Variants in LARP4B observed in about 807,000 individuals in gnomAD.
LARP4B encodes la-related protein 4B.
A neutral mutation model predicts 89.8 loss-of-function variants in LARP4B; 12 were observed. The observed-to-expected ratio is 0.13, with a 90% confidence interval of 0.09 to 0.22. The LOEUF is 0.22. Ranked by LOEUF, LARP4B falls within the 10% of genes least tolerant of loss-of-function variation. The probability of loss-of-function intolerance (pLI) is 1.00; values close to 1 mark genes in which losing one functional copy is unlikely to be tolerated. For synonymous variants in LARP4B, 367 were observed against 363.3 expected, an observed-to-expected ratio of 1.01 and a Z score of -0.12; for missense variants, 757 against 947.7, an observed-to-expected ratio of 0.80 and a Z score of 2.64.
chr10:810,751 G>T lies in LARP4B; in HGVS notation c.*2175C>A, dbSNP rs1175880751. The T allele has an allele frequency of 1.3e-5, 2 of 151,748 alleles. No individual in the cohort carries two copies. The highest frequency in any genetic ancestry group is 3.9e-4 in the East Asian group (2 of 5,180). 9.4% of individuals were successfully genotyped at this position (151,748 alleles called of 1,614,324 possible). A position where few individuals can be genotyped will look rare whatever the true frequency, so the allele number is the denominator to read the frequency against. On this transcript the variant is annotated 3_prime_UTR_variant, in exon 18 of 18. Transcript: ENST00000316157. ...GTTGCCTCCCAGCTTTCTGAGTATT[G>T]AGAGTTTGGGTTTCACAGATCAATT...
the LARP4B span, among the ~76,000 whole-genome samples, chr10:973,743 A>C: frequency 6.6e-6 from 1 of 152,162 alleles, no homozygotes. Context: ...TGTCATTTGC[A>C]TGCTGTAGTT....
chr10:904,190 T>A (rs12778891), intron 1 of LARP4B, among the ~76,000 whole-genome samples: 24,196 of 152,086 alleles, frequency 0.16, 2,070 homozygotes, highest in Non-Finnish European at 0.19. Context: ...AAGCTGAGGC[T>A]AAAGGATTAC....
At chr10:935,513 G>C (rs890156912), upstream of LARP4B, among the ~76,000 whole-genome samples, 7 of 152,096 alleles carry the variant, frequency 4.6e-5, no homozygotes, top group Non-Finnish European at 1.0e-4. Context: ...TTGTAGCTCT[G>C]TTGAGCTACA....
chr10:888,023 T>C (rs1835913131), intron 1 of LARP4B, among the ~76,000 whole-genome samples: 1 of 147,898 alleles, frequency 6.8e-6, no homozygotes, highest in South Asian at 2.1e-4. Context: ...AACTCTGTCT[T>C]AAAAACAAAT....
intron 6 of LARP4B, among the ~76,000 whole-genome samples, chr10:844,551 T>A (rs897422949): frequency 6.6e-6 from 1 of 152,168 alleles, no homozygotes; most frequent in East Asian, 1.9e-4. Flanking sequence ...AGTTCTGCCA[T>A]TGGAACTTTA....
the LARP4B span, among the ~76,000 whole-genome samples, chr10:959,009 G>A: frequency 6.6e-6 from 1 of 152,220 alleles, no homozygotes; most frequent in African/African-American, 2.4e-5. Context: ...TCTCTGGGCA[G>A]AGGAAGGACG....
chr10:902,697 C>A (rs186427544), intron 1 of LARP4B, among the ~76,000 whole-genome samples: 1 of 150,052 alleles, frequency 6.7e-6, no homozygotes, highest in African/African-American at 2.5e-5. Flanking sequence ...CAGGCTGGAG[C>A]GCAATGGTGC....
chr10:967,872 TTG>T, the LARP4B span, among the ~76,000 whole-genome samples: 4 of 152,178 alleles, frequency 2.6e-5, no homozygotes, highest in East Asian at 1.9e-4. Context: ...CATTAATTTT[TTG>T]TGTTTTTAGT....
At position 814,519 on chromosome 10, in the gene LARP4B, A is replaced by C; in HGVS notation, c.1929+223T>G. Reference sequence around the variant, plus strand: ...AACCTCTATTGACCAACACTGAAATAAAAGGACTACATGGTGGTCTGAGAA... The same window carrying C: ...AACCTCTATTGACCAACACTGAAATCAAAGGACTACATGGTGGTCTGAGAA... On this transcript the variant is annotated intron_variant, in intron 17 of 17. Transcript: ENST00000316157. The surrounding 1 kb of genome is among the most constrained non-coding windows in gnomAD (Gnocchi z 4.4). 1.1e-6 allele frequency: 1 copy of C among 918,482 alleles called. No individual in the cohort carries two copies. The highest frequency in any genetic ancestry group is 1.6e-6 in the Non-Finnish European group (1 of 606,768). The allele number at this position is 918,482 out of a possible 1,614,324, so 56.9% of individuals were successfully genotyped here. A position where few individuals can be genotyped will look rare whatever the true frequency, so the allele number is the denominator to read the frequency against.
intron 3 of LARP4B, among the ~76,000 whole-genome samples, chr10:875,144 C>T (rs1835405594): frequency 3.3e-5 from 5 of 152,184 alleles, no homozygotes; most frequent in Admixed American, 1.3e-4. Flanking sequence ...ACGATTCATA[C>T]CAGCTGTAAA....
At chr10:975,791 G>A in the LARP4B span, among the ~76,000 whole-genome samples, 2 of 151,568 alleles carry the variant, frequency 1.3e-5, no homozygotes, top group African/African-American at 2.4e-5. Context: ...GTCGTGCAAC[G>A]TGTGGACCCG....
the LARP4B span, among the ~76,000 whole-genome samples, chr10:953,815 G>C: frequency 1.3e-5 from 2 of 152,340 alleles, no homozygotes; most frequent in East Asian, 3.9e-4. Flanking sequence ...GTGTAGGCTA[G>C]GCAGTCCAGC....
the LARP4B span, among the ~76,000 whole-genome samples, chr10:962,726 A>G: frequency 6.6e-6 from 1 of 152,182 alleles, no homozygotes. Flanking sequence ...TTGAAAAGCA[A>G]AATTTTCCTC....
At chr10:970,546 T>G in the LARP4B span, among the ~76,000 whole-genome samples, 1 of 152,306 alleles carries the variant, frequency 6.6e-6, no homozygotes, top group South Asian at 2.1e-4. Flanking sequence ...TTGAAAGCAC[T>G]CATCGGGACT....
upstream of LARP4B, among the ~76,000 whole-genome samples, chr10:932,124 C>T (rs1312300841): frequency 2.6e-5 from 4 of 151,898 alleles, no homozygotes; most frequent in Non-Finnish European, 5.9e-5. Flanking sequence ...CCGCCCAGGA[C>T]GGATGGCGAC....
chr10:911,114 C>T (rs187534675), intron 1 of LARP4B, among the ~76,000 whole-genome samples: 19 of 152,234 alleles, frequency 1.2e-4, no homozygotes, highest in East Asian at 5.8e-4. Context: ...AAAGTGGAGC[C>T]GCCTAACACA....
chr10:834,049 T>C (rs1025221373), intron 8 of LARP4B, among the ~76,000 whole-genome samples: 9 of 152,106 alleles, frequency 5.9e-5, no homozygotes, highest in African/African-American at 2.2e-4. Flanking sequence ...TCAAGGAACG[T>C]GAGAGTGGCT....
chr10:968,313 A>G, the LARP4B span, among the ~76,000 whole-genome samples: 9 of 150,204 alleles, frequency 6.0e-5, no homozygotes, highest in Admixed American at 6.1e-4. Flanking sequence ...GTCAAACTTT[A>G]TAAATGCACC....
chr10:854,744 A>G (rs1296197127), intron 5 of LARP4B, among the ~76,000 whole-genome samples: 1 of 152,190 alleles, frequency 6.6e-6, no homozygotes, highest in Non-Finnish European at 1.5e-5. Context: ...AGAATGGGAA[A>G]TGAGCACTGG....
Sources: gnomAD v4.1 joint callset for allele counts (sites outside exome capture counted in the v4.1 genomes callset) on GRCh38, gnomAD v4.1.1 for gene constraint, Gnocchi (gnomAD v3.1) non-coding constraint, MANE v1.5 for transcripts, NCBI Gene and HGNC (gene_info 2026-07-23, HGNC 2026-07-21) for gene names.